Variants in TENM1 observed in about 807,000 individuals in gnomAD.
The protein encoded by TENM1 is teneurin-1.
A neutral mutation model predicts 174.8 loss-of-function variants in TENM1; 35 were observed. That is an observed-to-expected ratio of 0.20 (90% confidence interval 0.15 to 0.27). The LOEUF (loss-of-function observed/expected upper bound fraction) is 0.27. Ranked by LOEUF, TENM1 falls within the 10% of genes least tolerant of loss-of-function variation. The pLI, the probability that TENM1 is intolerant of heterozygous loss-of-function variation, is 1.00. For missense variants in TENM1, 1,633 were observed against 2,130.1 expected (o/e 0.77, Z 4.59); for synonymous variants, 781 against 798.7 (o/e 0.98, Z 0.37).
chrX:124,606,281 G>C (rs749275853), intron 11 of TENM1, among the ~76,000 whole-genome samples: 3 of 111,048 alleles, frequency 2.7e-5, no homozygotes, highest in Non-Finnish European at 5.7e-5. Flanking sequence ...GGTGTTGAGA[G>C]AGTTGACACT....
At position 124,422,254 on chromosome X, in the gene TENM1, T is replaced by C. The variant is rs367697539; in HGVS notation, c.4471+18A>G. 66 of 1,187,500 alleles carry C rather than the reference T, an allele frequency of 5.6e-5. 1 individual carries two copies. In the African/African-American group the frequency reaches 7.4e-4, roughly 13 times the overall value. ...AAAACAGAGAGGGGAAGCTGGTGAA[T>C]TGCTAAAAAGGTCATACCTGAAAAA... On this transcript the variant is annotated intron_variant, in intron 24 of 31. Coordinates refer to ENST00000422452, the Ensembl canonical transcript of TENM1.
chrX:124,951,344 C>T (rs946519768), intron 1 of TENM1, among the ~76,000 whole-genome samples: 2 of 110,756 alleles, frequency 1.8e-5, no homozygotes, highest in African/African-American at 6.5e-5. Context: ...TATCTATAGT[C>T]TAGTGCAATG....
intron 3 of TENM1, among the ~76,000 whole-genome samples, chrX:124,811,014 G>A (rs1422337035): frequency 9.0e-6 from 1 of 111,044 alleles, no homozygotes; most frequent in Non-Finnish European, 1.9e-5. Context: ...TGAAATTAGG[G>A]CCTTACCTCA....
At chrX:124,438,327 C>T (rs1343464787) in intron 23 of TENM1, among the ~76,000 whole-genome samples, 1 of 110,012 alleles carries the variant, frequency 9.1e-6, no homozygotes, top group Non-Finnish European at 1.9e-5. Context: ...TAGAGAGATA[C>T]AGAAGTATCT....
the TENM1 span, among the ~76,000 whole-genome samples, chrX:125,076,043 AAAGT>A: frequency 3.6e-5 from 4 of 112,099 alleles, no homozygotes; most frequent in Admixed American, 2.8e-4. Context: ...TACTATAGAA[AAAGT>A]AAGATTTCTA....
chrX:125,083,587 C>T, the TENM1 span, among the ~76,000 whole-genome samples: 1 of 110,537 alleles, frequency 9.0e-6, no homozygotes, highest in East Asian at 2.8e-4. Flanking sequence ...TCAAAAAAAC[C>T]CCACATATAT....
chrX:124,417,910 G>C (rs185222934), intron 25 of TENM1, among the ~76,000 whole-genome samples: 210 of 111,469 alleles, frequency 1.9e-3, no homozygotes, highest in Non-Finnish European at 3.5e-3. Flanking sequence ...CTCTCTATAA[G>C]TCCTGATAGC....
At chrX:125,118,148 A>C in the TENM1 span, among the ~76,000 whole-genome samples, 1 of 111,500 alleles carries the variant, frequency 9.0e-6, no homozygotes, top group Admixed American at 9.6e-5. Context: ...ACATGTTCTC[A>C]CTTCTAAGTG....
chrX:124,550,142 T>C (rs1286150823), intron 14 of TENM1, among the ~76,000 whole-genome samples: 1 of 111,647 alleles, frequency 9.0e-6, no homozygotes, highest in African/African-American at 3.3e-5. Flanking sequence ...GTTTGGGACT[T>C]TGCCAGTTGG....
At chrX:125,013,000 G>A in the TENM1 span, among the ~76,000 whole-genome samples, 1 of 111,633 alleles carries the variant, frequency 9.0e-6, no homozygotes, top group Admixed American at 9.6e-5. Flanking sequence ...ATTATGCTTA[G>A]GTAACAGCAG....
chrX:124,797,636 T>C (rs2055335748), intron 3 of TENM1, among the ~76,000 whole-genome samples: 1 of 110,883 alleles, frequency 9.0e-6, no homozygotes, highest in East Asian at 2.8e-4. Context: ...TTAGTTGTTC[T>C]TAATAAAGGG....
intron 11 of TENM1, among the ~76,000 whole-genome samples, chrX:124,604,649 T>C (rs2050108242): frequency 9.0e-6 from 1 of 111,135 alleles, no homozygotes; most frequent in African/African-American, 3.3e-5. Flanking sequence ...ATTTGTAAAA[T>C]GAGGATGCTA....
At chrX:124,929,594 G>A (rs775189936) in intron 1 of TENM1, among the ~76,000 whole-genome samples, 14 of 111,965 alleles carry the variant, frequency 1.3e-4, no homozygotes, top group African/African-American at 4.5e-4. Flanking sequence ...ATATTACCTG[G>A]TGCTCCCAGA....
chrX:124,753,601 T>G, intron 3 of TENM1, among the ~76,000 whole-genome samples: 1 of 108,195 alleles, frequency 9.2e-6, no homozygotes, highest in Admixed American at 1.0e-4. Context: ...TTTTTGCCCA[T>G]TCAGTATGAT....
chrX:125,141,039 G>A, the TENM1 span, among the ~76,000 whole-genome samples: 2 of 111,981 alleles, frequency 1.8e-5, no homozygotes, highest in African/African-American at 3.2e-5. Context: ...ATATCTTTGG[G>A]TTTAGGCCCT....
exon 16 of TENM1, chrX:124,529,955 C>T (rs1301987459): frequency 3.3e-6 from 4 of 1,208,542 alleles, no homozygotes; most frequent in Non-Finnish European, 4.5e-6. Flanking sequence ...TCTATGGCCA[C>T]CACTTGGCCT....
intron 3 of TENM1, among the ~76,000 whole-genome samples, chrX:124,826,331 C>T (rs994436965): frequency 9.2e-6 from 1 of 109,109 alleles, no homozygotes; most frequent in Non-Finnish European, 1.9e-5. Context: ...ATCACCTGAG[C>T]CAGGGATATC....
At chrX:124,459,522 A>G (rs2061145090) in intron 22 of TENM1, among the ~76,000 whole-genome samples, 1 of 111,297 alleles carries the variant, frequency 9.0e-6, no homozygotes, top group Non-Finnish European at 1.9e-5. Context: ...ATGGTGCTAC[A>G]ATAACTGGCT....
At chrX:124,980,725 T>C in the TENM1 span, among the ~76,000 whole-genome samples, 3 of 111,441 alleles carry the variant, frequency 2.7e-5, 1 homozygote, top group Admixed American at 2.9e-4. Flanking sequence ...ATAAACTGTT[T>C]AGAATTTGTG....
Sources: gnomAD v4.1 joint callset for allele counts (sites outside exome capture counted in the v4.1 genomes callset) on GRCh38, gnomAD v4.1.1 for gene constraint, MANE v1.5 for transcripts, NCBI Gene and HGNC (gene_info 2026-07-23, HGNC 2026-07-21) for gene names.